The following ZBTB20 variants were observed in gnomAD, a reference collection of about 807,000 sequenced individuals.
ZBTB20 encodes zinc finger and BTB domain containing 20.
A neutral mutation model predicts 56.9 loss-of-function variants in ZBTB20; 9 were observed. The observed-to-expected ratio is 0.16, with a 90% confidence interval of 0.10 to 0.28. The LOEUF is 0.28. Ranked by LOEUF, ZBTB20 falls within the 10% of genes least tolerant of loss-of-function variation. ZBTB20 has a pLI of 1.00. For synonymous variants in ZBTB20, 417 were observed against 420.7 expected (o/e 0.99, Z 0.11); for missense variants, 655 against 1,003.0 (o/e 0.65, Z 4.69).
chr3:114,852,869 T>G (rs2075069723), intron 4 of ZBTB20, among the ~76,000 whole-genome samples: 1 of 152,140 alleles, frequency 6.6e-6, no homozygotes. Flanking sequence ...GGTACCATAT[T>G]TCCTGTTATG....
rs530747272 is a variant in ZBTB20 at position 114,749,513 on chromosome 3, A to G, written c.-343+51588T>C. On this transcript the variant is annotated intron_variant, in intron 5 of 11. Coordinates refer to ENST00000675478, the MANE Select transcript of ZBTB20 (RefSeq NM_001348800.3). ...GCTTGCAGTGAGCCGAGATCGCACC[A>G]TTGCACTCCAACCCAGGCAACAGTC... Among the ~76,000 whole-genome samples, 3 of 151,816 alleles carry G rather than the reference A, an allele frequency of 2.0e-5. No individual in the cohort carries two copies. In the East Asian group the frequency reaches 5.8e-4, roughly 29 times the overall value.
chr3:115,123,303 T>C (rs1336134230), intron 1 of ZBTB20, among the ~76,000 whole-genome samples: 2 of 152,170 alleles, frequency 1.3e-5, no homozygotes, highest in Admixed American at 6.5e-5. Context: ...TTCACATAAT[T>C]TAACAATATC....
At chr3:114,618,714 T>C (rs908622863) in intron 6 of ZBTB20, among the ~76,000 whole-genome samples, 2 of 152,172 alleles carry the variant, frequency 1.3e-5, no homozygotes, top group Admixed American at 6.6e-5. Context: ...ACAAATGAAA[T>C]AGATGAGTCC....
At chr3:114,810,938 G>T (rs1369263806) in intron 4 of ZBTB20, among the ~76,000 whole-genome samples, 1 of 152,096 alleles carries the variant, frequency 6.6e-6, no homozygotes, top group Non-Finnish European at 1.5e-5. Flanking sequence ...GAATTTCTAG[G>T]GAAGTGTATG....
intron 1 of ZBTB20, among the ~76,000 whole-genome samples, chr3:115,116,714 G>A (rs1263979377): frequency 6.6e-6 from 1 of 152,002 alleles, no homozygotes; most frequent in Non-Finnish European, 1.5e-5. Context: ...GAAAGAGAAA[G>A]AAAGAGAGAG....
At chr3:115,059,657 C>T (rs942846532) in intron 2 of ZBTB20, among the ~76,000 whole-genome samples, 2 of 152,120 alleles carry the variant, frequency 1.3e-5, no homozygotes, top group Non-Finnish European at 2.9e-5. Flanking sequence ...TCCCTTCCTC[C>T]GGTATTCTAC....
intron 3 of ZBTB20, among the ~76,000 whole-genome samples, chr3:114,926,280 T>G (rs541032753): frequency 2.0e-5 from 3 of 152,316 alleles, no homozygotes; most frequent in Non-Finnish European, 2.9e-5. Context: ...GACATTTGCT[T>G]AATACAAAGT....
chr3:114,405,498 T>A (rs2108735288), intron 7 of ZBTB20, among the ~76,000 whole-genome samples: 1 of 152,294 alleles, frequency 6.6e-6, no homozygotes, highest in South Asian at 2.1e-4. Flanking sequence ...GGCCATGATA[T>A]ATCTTGAGAG....
In ZBTB20 at chr3:114,323,705, T is replaced by C. The variant is rs1019613688; in HGVS notation, c.*15300A>G. The C allele has an allele frequency of 3.3e-5, 5 of 152,338 alleles. No homozygotes were observed. The highest frequency in any genetic ancestry group is 2.1e-4 in the South Asian group (1 of 4,834). The allele number at this position is 152,338 out of a possible 1,614,324, so 9.4% of individuals were successfully genotyped here. A position where few individuals can be genotyped will look rare whatever the true frequency, so the allele number is the denominator to read the frequency against. On this transcript the variant is annotated 3_prime_UTR_variant, in exon 12 of 12. Coordinates refer to ENST00000675478, the MANE Select transcript of ZBTB20 (RefSeq NM_001348800.3). The stretch of plus-strand genomic sequence containing the variant: ...TCTTAAATGTTCTTAATTGCTGTAC[T>C]AACTCAGCTTCTTTACAGTAAGAAA...
chr3:115,014,133 T>C (rs1030948136), intron 2 of ZBTB20, among the ~76,000 whole-genome samples: 1 of 151,642 alleles, frequency 6.6e-6, no homozygotes, highest in African/African-American at 2.4e-5. Context: ...AACTGGAAAT[T>C]ATTAGGTTAA....
chr3:114,629,231 T>C (rs886411372), intron 6 of ZBTB20, among the ~76,000 whole-genome samples: 2 of 152,122 alleles, frequency 1.3e-5, no homozygotes, highest in Admixed American at 6.6e-5. Flanking sequence ...ATTTGTAAAA[T>C]AGGGATGATA....
At chr3:115,128,669 AAAAAGAAAAG>A (rs1163940273) in intron 1 of ZBTB20, among the ~76,000 whole-genome samples, 1 of 148,360 alleles carries the variant, frequency 6.7e-6, no homozygotes, top group African/African-American at 2.5e-5. Context: ...GACTCAAAAA[AAAAAGAAAAG>A]AAAAGAAAAG....
At chr3:114,861,594 C>T (rs1187912162) in intron 4 of ZBTB20, among the ~76,000 whole-genome samples, 1 of 151,948 alleles carries the variant, frequency 6.6e-6, no homozygotes, top group East Asian at 1.9e-4. Context: ...GAAATCACAG[C>T]CTGTTGCTGT....
intron 2 of ZBTB20, among the ~76,000 whole-genome samples, chr3:114,996,703 T>C (rs55840153): frequency 0.092 from 13,911 of 151,904 alleles, 1,865 homozygotes; most frequent in African/African-American, 0.29. Context: ...TATGTCTTTA[T>C]AGTAGAATGA....
chr3:114,870,480 AC>A (rs1356391601), intron 4 of ZBTB20, among the ~76,000 whole-genome samples: 1 of 151,280 alleles, frequency 6.6e-6, no homozygotes, highest in Non-Finnish European at 1.5e-5. Context: ...AATACGAAGA[AC>A]AAGTGATTAA....
chr3:115,048,093 C>T (rs1363602245), intron 2 of ZBTB20, among the ~76,000 whole-genome samples: 2 of 151,862 alleles, frequency 1.3e-5, no homozygotes, highest in Admixed American at 1.3e-4. Context: ...GGCGTGGTGG[C>T]GGGCGCCTGT....
At chr3:114,588,064 T>C (rs1280863795) in intron 6 of ZBTB20, among the ~76,000 whole-genome samples, 3 of 152,204 alleles carry the variant, frequency 2.0e-5, no homozygotes, top group Admixed American at 1.3e-4. Flanking sequence ...TTCATGTGTA[T>C]AGCCTTTAGT....
At chr3:114,794,332 A>G (rs2071192365) in intron 5 of ZBTB20, among the ~76,000 whole-genome samples, 2 of 152,056 alleles carry the variant, frequency 1.3e-5, no homozygotes. Flanking sequence ...CCTGCACTTA[A>G]TATTTCTTTT....
At chr3:114,938,927 T>C (rs1334906920) in intron 3 of ZBTB20, among the ~76,000 whole-genome samples, 3 of 145,568 alleles carry the variant, frequency 2.1e-5, no homozygotes, top group Non-Finnish European at 4.4e-5. Context: ...GTCTCAGCCA[T>C]GTTGGTAGGG....
Sources: allele counts gnomAD v4.1 joint callset (sites outside exome capture counted in the v4.1 genomes callset), GRCh38; gene constraint gnomAD v4.1.1; transcripts MANE v1.5; gene names NCBI Gene and HGNC (gene_info 2026-07-23, HGNC 2026-07-21).